The following DNAJC1 variants were observed in gnomAD, a reference collection of about 807,000 sequenced individuals.
DNAJC1 encodes the protein dnaJ homolog subfamily C member 1.
A neutral mutation model predicts 76.6 loss-of-function variants in DNAJC1; 58 were observed. The ratio of observed to expected loss-of-function variants is 0.76; its 90% CI spans 0.61 to 0.94. The LOEUF (loss-of-function observed/expected upper bound fraction) is 0.94. Ranked by LOEUF, DNAJC1 falls within the 40% of genes least tolerant of loss-of-function variation. The probability of loss-of-function intolerance (pLI) is 0.00; values close to 1 mark genes in which losing one functional copy is unlikely to be tolerated. For synonymous variants in DNAJC1, 258 were observed against 267.9 expected, an observed-to-expected ratio of 0.96 and a Z score of 0.36; for missense variants, 689 against 677.3, an observed-to-expected ratio of 1.02 and a Z score of -0.19.
chr10:21,959,498 A>C (rs1837750469), intron 1 of DNAJC1, among the ~76,000 whole-genome samples: 1 of 152,088 alleles, frequency 6.6e-6, no homozygotes, highest in South Asian at 2.1e-4. Context: ...TAAAACACTG[A>C]TGAGAAATCC....
intron 9 of DNAJC1, among the ~76,000 whole-genome samples, chr10:21,782,041 A>G (rs937737763): frequency 6.6e-6 from 1 of 152,184 alleles, no homozygotes; most frequent in Non-Finnish European, 1.5e-5. Flanking sequence ...AATAACTAAG[A>G]TCAGAGCAGA....
At chr10:21,837,296 C>G (rs545997581) in intron 8 of DNAJC1, among the ~76,000 whole-genome samples, 1 of 152,220 alleles carries the variant, frequency 6.6e-6, no homozygotes, top group Non-Finnish European at 1.5e-5. Flanking sequence ...CTTGGCCTCC[C>G]AAAGTGCTGA....
chr10:21,766,161 A>C, intron 10 of DNAJC1, 100 bp downstream of exon 10: 1 of 973,172 alleles, frequency 1.0e-6, no homozygotes, highest in Non-Finnish European at 1.6e-6. Flanking sequence ...TTCATTAGGC[A>C]AAACTTCTAG....
At chr10:21,831,178 T>C (rs1835351683) in intron 8 of DNAJC1, among the ~76,000 whole-genome samples, 1 of 152,134 alleles carries the variant, frequency 6.6e-6, no homozygotes, top group Non-Finnish European at 1.5e-5. Flanking sequence ...GCCTAAAGAA[T>C]AGTTTTTGCT....
At chr10:21,955,540 T>C (rs1454907137) in intron 1 of DNAJC1, among the ~76,000 whole-genome samples, 1 of 152,082 alleles carries the variant, frequency 6.6e-6, no homozygotes, top group Non-Finnish European at 1.5e-5. Flanking sequence ...TTCATTTTTC[T>C]AATAACAAAA....
chr10:21,861,892 T>C (rs1835920744), intron 8 of DNAJC1, among the ~76,000 whole-genome samples: 1 of 152,098 alleles, frequency 6.6e-6, no homozygotes, highest in South Asian at 2.1e-4. Context: ...CATTCTTTCA[T>C]CCCTTCACTT....
At chr10:21,855,710 A>G (rs1186736588) in intron 8 of DNAJC1, among the ~76,000 whole-genome samples, 1 of 152,204 alleles carries the variant, frequency 6.6e-6, no homozygotes, top group Non-Finnish European at 1.5e-5. Context: ...AAAACCGTTT[A>G]GGTAGCTGAA....
At chr10:21,979,155 T>TA (rs200213107) in intron 1 of DNAJC1, among the ~76,000 whole-genome samples, 104 of 151,844 alleles carry the variant, frequency 6.8e-4, no homozygotes, top group Non-Finnish European at 1.2e-3. Context: ...GAAGATCTTT[T>TA]AAAAAAAACC....
intron 8 of DNAJC1, among the ~76,000 whole-genome samples, chr10:21,834,356 G>T (rs986758659): frequency 6.6e-6 from 1 of 152,230 alleles, no homozygotes; most frequent in Admixed American, 6.5e-5. Context: ...CAAGATGGCC[G>T]AATGGGAACA....
At chr10:21,956,827 C>T (rs1280759679) in intron 1 of DNAJC1, among the ~76,000 whole-genome samples, 1 of 140,450 alleles carries the variant, frequency 7.1e-6, no homozygotes, top group East Asian at 2.1e-4. Context: ...ATAACACACA[C>T]ACACACACAC....
At chr10:21,851,986 G>A (rs893322013) in intron 8 of DNAJC1, among the ~76,000 whole-genome samples, 1 of 151,792 alleles carries the variant, frequency 6.6e-6, no homozygotes, top group Non-Finnish European at 1.5e-5. Flanking sequence ...CCGGGAGGCG[G>A]AGCTTGCAGT....
intron 1 of DNAJC1, among the ~76,000 whole-genome samples, chr10:21,994,348 T>C (rs1838378294): frequency 6.6e-6 from 1 of 152,158 alleles, no homozygotes; most frequent in African/African-American, 2.4e-5. Flanking sequence ...ACTTGCAAAA[T>C]CAATCTAATT....
intron 6 of DNAJC1, among the ~76,000 whole-genome samples, chr10:21,915,418 G>C (rs1367565107): frequency 6.6e-6 from 1 of 152,252 alleles, no homozygotes; most frequent in East Asian, 1.9e-4. Flanking sequence ...ACAAGATTTG[G>C]GTACAGATTC....
Position 21,929,038 on chromosome 10 carries a change from A to C in DNAJC1, c.324+2T>G. On this transcript the variant is annotated splice_donor_variant, in intron 2 of 11. Transcript: ENST00000376980. LOFTEE classifies it high-confidence loss of function. ...ATATATATAATAGCATATTTCACTT[A>C]CTTGTCTAAACTGAGTTTCTGCATT... 6.3e-7 allele frequency: 1 copy of C among 1,575,278 alleles called. No homozygotes were observed. The highest frequency in any genetic ancestry group is 8.7e-7 in the Non-Finnish European group (1 of 1,151,040).
At chr10:21,790,158 G>T (rs1334195480) in intron 9 of DNAJC1, among the ~76,000 whole-genome samples, 1 of 142,476 alleles carries the variant, frequency 7.0e-6, no homozygotes, top group Non-Finnish European at 1.5e-5. Context: ...AATCAAAAAA[G>T]TAAAAAAAAA....
intron 7 of DNAJC1, among the ~76,000 whole-genome samples, chr10:21,896,842 G>A (rs1048774826): frequency 6.6e-6 from 1 of 152,114 alleles, no homozygotes; most frequent in African/African-American, 2.4e-5. Context: ...AAGGCCACTG[G>A]GAGGTGATGA....
intron 1 of DNAJC1, among the ~76,000 whole-genome samples, chr10:21,932,851 T>C (rs1386960541): frequency 1.3e-5 from 2 of 152,160 alleles, no homozygotes; most frequent in Non-Finnish European, 2.9e-5. Flanking sequence ...TCAAACTCCT[T>C]GGCCTCCCAA....
chr10:21,758,694 G>A (rs1382007619), intron 11 of DNAJC1, among the ~76,000 whole-genome samples: 2 of 152,262 alleles, frequency 1.3e-5, no homozygotes, highest in Non-Finnish European at 2.9e-5. Flanking sequence ...GATGATCACG[G>A]TAATACCATC....
intron 1 of DNAJC1, among the ~76,000 whole-genome samples, chr10:21,931,668 T>A (rs1016207662): frequency 6.6e-6 from 1 of 152,180 alleles, no homozygotes; most frequent in African/African-American, 2.4e-5. Context: ...TCCACATAAC[T>A]ACAATGTGAA....
Sources: allele counts gnomAD v4.1 joint callset (sites outside exome capture counted in the v4.1 genomes callset), GRCh38; gene constraint gnomAD v4.1.1; transcripts MANE v1.5; gene names NCBI Gene and HGNC (gene_info 2026-07-23, HGNC 2026-07-21).